ATF6: variants seen among roughly 807,000 people sequenced by gnomAD.
ATF6 encodes cyclic AMP-dependent transcription factor ATF-6 alpha.
Under a neutral mutation model 83.6 loss-of-function variants are expected in ATF6, and 53 were observed. That is an observed-to-expected ratio of 0.63 (90% CI 0.51 to 0.80). ATF6 has a LOEUF of 0.80. Among genes scored for constraint, ATF6 ranks in the 30% least tolerant of loss-of-function variants. The probability of loss-of-function intolerance (pLI) is 0.00; values close to 1 mark genes in which losing one functional copy is unlikely to be tolerated. For synonymous variants in ATF6, 288 were observed against 285.8 expected, an observed-to-expected ratio of 1.01 and a Z score of -0.08; for missense variants, 744 against 797.9, an observed-to-expected ratio of 0.93 and a Z score of 0.81.
intron 6 of ATF6, among the ~76,000 whole-genome samples, chr1:161,800,137 T>A (rs1339239310): frequency 6.6e-6 from 1 of 152,178 alleles, no homozygotes; most frequent in African/African-American, 2.4e-5. Context: ...ATGAGTTGTA[T>A]AAGTCTTTAG....
intron 13 of ATF6, among the ~76,000 whole-genome samples, chr1:161,861,147 T>C (rs1245086584): frequency 2.6e-5 from 4 of 152,194 alleles, no homozygotes; most frequent in Admixed American, 2.6e-4. Flanking sequence ...GATAATGATG[T>C]GATGTCATTG....
intron 7 of ATF6, among the ~76,000 whole-genome samples, chr1:161,804,014 C>T (rs1041924015): frequency 2.3e-5 from 3 of 129,436 alleles, no homozygotes; most frequent in Non-Finnish European, 3.2e-5. Context: ...CACAACAGTC[C>T]CCAGAGTGTG....
At chr1:161,790,912 A>G (rs1167939207) in intron 4 of ATF6, among the ~76,000 whole-genome samples, 2 of 152,228 alleles carry the variant, frequency 1.3e-5, no homozygotes, top group Non-Finnish European at 2.9e-5. Context: ...ATTACAAAAT[A>G]GAAAACAGAA....
intron 14 of ATF6, among the ~76,000 whole-genome samples, chr1:161,907,267 A>C (rs1009003328): frequency 1.3e-5 from 2 of 152,220 alleles, no homozygotes; most frequent in Non-Finnish European, 2.9e-5. Context: ...ATAGAGTGAT[A>C]GAAAACAAAA....
At chr1:161,826,494 A>G (rs1685902362) in intron 9 of ATF6, among the ~76,000 whole-genome samples, 1 of 152,194 alleles carries the variant, frequency 6.6e-6, no homozygotes, top group South Asian at 2.1e-4. Context: ...TAAAAATCGG[A>G]GAAAGCTTAA....
intron 14 of ATF6, among the ~76,000 whole-genome samples, chr1:161,888,989 C>T (rs1687491426): frequency 6.6e-6 from 1 of 152,146 alleles, no homozygotes; most frequent in African/African-American, 2.4e-5. Flanking sequence ...CCCTTATCCC[C>T]TCCCTCATGT....
chr1:161,799,498 G>C (rs1453311394), intron 6 of ATF6, among the ~76,000 whole-genome samples: 1 of 152,142 alleles, frequency 6.6e-6, no homozygotes, highest in Non-Finnish European at 1.5e-5. Flanking sequence ...CATTACCTGA[G>C]TGATGAAATA....
intron 14 of ATF6, among the ~76,000 whole-genome samples, chr1:161,901,030 T>G (rs2101879333): frequency 6.6e-6 from 1 of 152,300 alleles, no homozygotes; most frequent in South Asian, 2.1e-4. Context: ...GTTACCCACT[T>G]ACACATTCTT....
chr1:161,800,982 G>T (rs964867900), intron 6 of ATF6, among the ~76,000 whole-genome samples: 3 of 152,066 alleles, frequency 2.0e-5, no homozygotes, highest in African/African-American at 4.8e-5. Flanking sequence ...CACTTTTTCT[G>T]CAGCGTTAAC....
chr1:161,850,820 G>C (rs1686600870), intron 10 of ATF6, among the ~76,000 whole-genome samples: 1 of 152,126 alleles, frequency 6.6e-6, no homozygotes, highest in Admixed American at 6.6e-5. Context: ...CAAGAGAGAT[G>C]CAAGCTTTGT....
At chr1:161,838,989 C>G (rs1259779172) in intron 9 of ATF6, among the ~76,000 whole-genome samples, 1 of 152,098 alleles carries the variant, frequency 6.6e-6, no homozygotes, top group Non-Finnish European at 1.5e-5. Flanking sequence ...TTGAAAACTC[C>G]CCATTTTTTC....
At chr1:161,787,868 C>A (rs1000325450) in intron 4 of ATF6, among the ~76,000 whole-genome samples, 1 of 152,072 alleles carries the variant, frequency 6.6e-6, no homozygotes, top group Admixed American at 6.6e-5. Flanking sequence ...ATGTAAATGG[C>A]ATTATAGTAG....
At chr1:161,940,576 T>TTGG (rs1688622065) in intron 15 of ATF6, among the ~76,000 whole-genome samples, 1 of 150,672 alleles carries the variant, frequency 6.6e-6, no homozygotes, top group African/African-American at 2.4e-5. Flanking sequence ...TTTTTTTTTT[T>TTGG]GAGACAGAGT....
rs1361813376 is a variant in ATF6, at chr1:161,961,973, A to G, written c.*3319A>G. The stretch of plus-strand genomic sequence containing the variant: ...AGAGTGTTAGTGTAAACTAACTCCA[A>G]AGTTAGGAGTTAATGTGAAAGGATC... On this transcript the variant is annotated 3_prime_UTR_variant, in exon 16 of 16. Transcript: ENST00000367942. 6.6e-6 allele frequency: 1 copy of G among 152,204 alleles called. No individual in the cohort carries two copies. Among genetic ancestry groups the G allele is most frequent in the African/African-American group, 2.4e-5 (1 of 41,444 alleles). 9.4% of individuals were successfully genotyped at this position (152,204 alleles called of 1,614,324 possible).
intron 14 of ATF6, 134 bp downstream of exon 14, chr1:161,863,446 C>T (rs1686927917): frequency 1.6e-6 from 1 of 623,920 alleles, no homozygotes; most frequent in Admixed American, 2.6e-5. Context: ...GTGAGTGGAA[C>T]AGTCTAAGTA....
chr1:161,930,412 AT>A (rs1322968542), intron 15 of ATF6, among the ~76,000 whole-genome samples: 1 of 152,144 alleles, frequency 6.6e-6, no homozygotes, highest in African/African-American at 2.4e-5. Flanking sequence ...TATTTTTTAG[AT>A]TTTAAGCTAC....
Position 161,821,095 on chromosome 1 carries a change from C to A in ATF6, c.1121C>A (p.Pro374Gln), listed in dbSNP as rs1189617673. 1.9e-6 allele frequency: 3 copies of A among 1,612,552 alleles called. No homozygotes were observed. The highest frequency in any genetic ancestry group is 2.5e-6 in the Non-Finnish European group (3 of 1,179,164). ...AACCAGAGGCTTAAAGTCCCTAGTCCAAAGCGAAGAGTTGTCTGTGTGATG... is the reference window on the plus strand; with the variant it reads ...AACCAGAGGCTTAAAGTCCCTAGTCAAAAGCGAAGAGTTGTCTGTGTGATG... ...SENQRLKVPSPKRRVVCVMIV... is the reference protein window; with the variant it reads ...SENQRLKVPSQKRRVVCVMIV... The change falls in exon 9 of 16, where the codon CCA (proline) becomes CAA (glutamine). Residue 374 changes from proline (P) to glutamine (Q), a missense_variant. By Grantham distance (76) the Pro-to-Gln change is moderately conservative. Coordinates refer to ENST00000367942, the MANE Select transcript of ATF6 (RefSeq NM_007348.4).
At chr1:161,865,986 A>G (rs919255841) in intron 14 of ATF6, among the ~76,000 whole-genome samples, 3 of 152,206 alleles carry the variant, frequency 2.0e-5, no homozygotes, top group African/African-American at 7.2e-5. Context: ...TCATCTTTCA[A>G]TATAAAATAT....
At chr1:161,814,481 A>G (rs1346959116) in intron 7 of ATF6, among the ~76,000 whole-genome samples, 2 of 152,236 alleles carry the variant, frequency 1.3e-5, no homozygotes, top group African/African-American at 4.8e-5. Context: ...ACTATACTAC[A>G]TATCAGAAGG....
Sources: allele counts gnomAD v4.1 joint callset (sites outside exome capture counted in the v4.1 genomes callset), GRCh38; gene constraint gnomAD v4.1.1; transcripts MANE v1.5; gene names NCBI Gene and HGNC (gene_info 2026-07-23, HGNC 2026-07-21).